Variants in NCKAP5 observed in about 807,000 individuals in gnomAD.
The protein encoded by NCKAP5 is NCK associated protein 5.
A neutral mutation model predicts 167.0 loss-of-function variants in NCKAP5; 92 were observed. The ratio of observed to expected loss-of-function variants is 0.55; its 90% CI spans 0.47 to 0.66. The LOEUF (loss-of-function observed/expected upper bound fraction) is 0.66, where lower values mean the gene tolerates loss of function less well. NCKAP5 is among the 30% of genes least tolerant of loss of function. NCKAP5 has a pLI of 0.00. For missense variants in NCKAP5, 2,378 were observed against 2,315.0 expected (o/e 1.03, Z -0.56); for synonymous variants, 891 against 877.4 (o/e 1.02, Z -0.27).
upstream of NCKAP5, among the ~76,000 whole-genome samples, chr2:133,569,870 T>A (rs1423633336): frequency 6.6e-6 from 1 of 152,118 alleles, no homozygotes; most frequent in Non-Finnish European, 1.5e-5. Context: ...GAGCCCCATG[T>A]TAAGAGAAAG....
intron 10 of NCKAP5, among the ~76,000 whole-genome samples, chr2:132,867,010 G>C (rs1350610717): frequency 6.6e-6 from 1 of 152,126 alleles, no homozygotes; most frequent in Non-Finnish European, 1.5e-5. Context: ...CTGCCTCATA[G>C]TGTCCCTGAG....
At chr2:133,365,542 C>A (rs1685404012) in intron 3 of NCKAP5, among the ~76,000 whole-genome samples, 1 of 152,038 alleles carries the variant, frequency 6.6e-6, no homozygotes, top group Non-Finnish European at 1.5e-5. Context: ...CACACACACA[C>A]ACGTATATAT....
In NCKAP5 at chr2:133,220,069, A is replaced by C. The variant is rs531061691; in HGVS notation, c.144-6290T>G. Among the ~76,000 whole-genome samples, 4 of 152,332 alleles carry C rather than the reference A, an allele frequency of 2.6e-5. No individual in the cohort carries two copies. The East Asian group carries it at 7.7e-4, about 29-fold the overall frequency. Reference sequence around the variant, plus strand: ...AACAGCTTTGTGTAGAAAATAAAGAATGCTGGATTTGCAAGCTACCCAAGA... The same window carrying C: ...AACAGCTTTGTGTAGAAAATAAAGACTGCTGGATTTGCAAGCTACCCAAGA... On this transcript the variant is annotated intron_variant, in intron 4 of 19. Coordinates refer to ENST00000409261, the MANE Select transcript of NCKAP5 (RefSeq NM_207363.3).
chr2:132,883,371 G>A (rs961446202), intron 8 of NCKAP5, among the ~76,000 whole-genome samples: 3 of 151,896 alleles, frequency 2.0e-5, no homozygotes, highest in Non-Finnish European at 2.9e-5. Context: ...TTTCACACAG[G>A]CTTCTTCCAC....
chr2:132,866,560 ATTT>A (rs1313592424), intron 10 of NCKAP5, among the ~76,000 whole-genome samples: 1 of 150,740 alleles, frequency 6.6e-6, no homozygotes, highest in Admixed American at 6.6e-5. Flanking sequence ...CATGGAAATA[ATTT>A]TTTTTTTCTA....
Position 132,704,255 on chromosome 2 carries a change from C to T in NCKAP5, c.5713+21372G>A, listed in dbSNP as rs558552100. On this transcript the variant is annotated intron_variant, in intron 19 of 19. Coordinates refer to ENST00000409261, the MANE Select transcript of NCKAP5 (RefSeq NM_207363.3). The stretch of plus-strand genomic sequence containing the variant: ...GCCCAGAGGTGAAGTAGGTATCCGT[C>T]TTTCCTACTTCCTGCTCCAGGAATG... Among the ~76,000 whole-genome samples, 15 of 152,222 alleles carry T rather than the reference C, an allele frequency of 9.9e-5. No individual in the cohort carries two copies. In the South Asian group the frequency reaches 3.1e-3, roughly 32 times the overall value.
chr2:132,889,256 A>C (rs972281596), intron 8 of NCKAP5, among the ~76,000 whole-genome samples: 2 of 152,232 alleles, frequency 1.3e-5, no homozygotes, highest in African/African-American at 4.8e-5. Context: ...TTTCTGACCC[A>C]TAAAATTGTG....
chr2:133,367,997 C>T lies in NCKAP5; in HGVS notation c.70-64887G>A, dbSNP rs533435197. Among the ~76,000 whole-genome samples, 56 of 152,208 alleles carry T rather than the reference C, an allele frequency of 3.7e-4. 1 individual carries two copies. The highest frequency in any genetic ancestry group is 1.3e-3 in the African/African-American group (54 of 41,546). ...GACCCCAGCCCAGCCAGATGCCCCC[C>T]AGAACTGAAGTCAGACACGTGGATG... On this transcript the variant is annotated intron_variant, in intron 3 of 19. Transcript: ENST00000409261.
At chr2:133,171,703 C>T (rs1261628600) in intron 5 of NCKAP5, among the ~76,000 whole-genome samples, 1 of 152,176 alleles carries the variant, frequency 6.6e-6, no homozygotes, top group Non-Finnish European at 1.5e-5. Flanking sequence ...AACACAATAC[C>T]ACTAACAAGT....
rs563754866 is a variant in NCKAP5 at position 132,899,159 on chromosome 2, A to C, written c.580-20243T>G. Among the ~76,000 whole-genome samples, 14 of 152,340 alleles carry C rather than the reference A, an allele frequency of 9.2e-5. No individual in the cohort carries two copies. The South Asian group carries it at 2.9e-3, about 32-fold the overall frequency. Reference sequence around the variant, plus strand: ...ACTTGTTGCAGCTTTACATCTTTACATGAAGCAGTGGTTGTTTCACCTTGC... The same window carrying C: ...ACTTGTTGCAGCTTTACATCTTTACCTGAAGCAGTGGTTGTTTCACCTTGC... On this transcript the variant is annotated intron_variant, in intron 8 of 19. Transcript: ENST00000409261.
chr2:133,087,509 G>A (rs2081032471), intron 6 of NCKAP5, among the ~76,000 whole-genome samples: 1 of 152,324 alleles, frequency 6.6e-6, no homozygotes, highest in East Asian at 1.9e-4. Context: ...TGGATGAAAT[G>A]TGTTGTTTCT....
chr2:133,308,036 G>T (rs1346879045), intron 3 of NCKAP5, among the ~76,000 whole-genome samples: 4 of 121,684 alleles, frequency 3.3e-5, no homozygotes, highest in Non-Finnish European at 7.5e-5. Flanking sequence ...TAATAGAAGG[G>T]TGCATAAATC....
chr2:132,794,255 TATATATATAGAG>T lies in NCKAP5; in HGVS notation c.909+2361_909+2372del, dbSNP rs1250558777. ...ATATATATATATATATATATATATA[TATATATATAGAG>T]AGAGAGAGAGAGAGAGAGAGAGAGA... On this transcript the variant is annotated intron_variant, in intron 12 of 19. Transcript: ENST00000409261. 9.8e-4 allele frequency among the ~76,000 whole-genome samples: 48 copies of T among 48,990 alleles called. No homozygotes were observed. The East Asian group carries it at 0.011, about 11-fold the overall frequency. 32.1% of individuals were successfully genotyped at this position (48,990 alleles called of 152,430 possible). A position where few individuals can be genotyped will look rare whatever the true frequency, so the allele number is the denominator to read the frequency against.
At chr2:133,447,230 G>A (rs1489521770) in intron 3 of NCKAP5, among the ~76,000 whole-genome samples, 2 of 152,080 alleles carry the variant, frequency 1.3e-5, no homozygotes, top group Non-Finnish European at 2.9e-5. Flanking sequence ...CCCTAGAGGG[G>A]CTCAATATTG....
the NCKAP5 span, among the ~76,000 whole-genome samples, chr2:133,609,913 C>T: frequency 6.6e-6 from 1 of 152,114 alleles, no homozygotes; most frequent in Non-Finnish European, 1.5e-5. Context: ...GAGGGCACCA[C>T]CTACAAAGAG....
At chr2:132,741,355 G>C (rs374993848) in intron 16 of NCKAP5, among the ~76,000 whole-genome samples, 25 of 152,166 alleles carry the variant, frequency 1.6e-4, no homozygotes, top group African/African-American at 6.0e-4. Flanking sequence ...ATGCTAATAT[G>C]CCTCTCTTGA....
chr2:133,495,398 A>G (rs1293646060), intron 3 of NCKAP5, among the ~76,000 whole-genome samples: 2 of 152,206 alleles, frequency 1.3e-5, no homozygotes, highest in Non-Finnish European at 1.5e-5. Flanking sequence ...TTGCATAGGA[A>G]AACCAGTTGC....
At chr2:132,912,207 G>C (rs561287472) in intron 8 of NCKAP5, among the ~76,000 whole-genome samples, 2 of 152,308 alleles carry the variant, frequency 1.3e-5, no homozygotes, top group East Asian at 3.9e-4. Flanking sequence ...TGTGCCTGAA[G>C]TGAGCCAAGC....
At chr2:133,233,077 C>T (rs1474041889) in intron 4 of NCKAP5, among the ~76,000 whole-genome samples, 1 of 152,182 alleles carries the variant, frequency 6.6e-6, no homozygotes, top group Non-Finnish European at 1.5e-5. Flanking sequence ...CCTGGAAAAA[C>T]CTGCAGTGCT....
Sources: gnomAD v4.1 joint callset for allele counts (sites outside exome capture counted in the v4.1 genomes callset) on GRCh38, gnomAD v4.1.1 for gene constraint, MANE v1.5 for transcripts, NCBI Gene and HGNC (gene_info 2026-07-23, HGNC 2026-07-21) for gene names.